The following CIMIP5 variants were observed in gnomAD, a reference collection of about 807,000 sequenced individuals.
The protein encoded by CIMIP5 is uncharacterized protein C2orf50.
chr2:11,144,722 C>G, the CIMIP5 span: 1 of 152,122 alleles, frequency 6.6e-6, no homozygotes, highest in African/African-American at 2.4e-5. Flanking sequence ...CTCCTTACTC[C>G]GTCTTTGAAG....
chr2:11,133,171 C>T, the CIMIP5 span: 1 of 820,234 alleles, frequency 1.2e-6, no homozygotes, highest in East Asian at 3.3e-5. Context: ...CCATCGGCCA[C>T]TCTGAGCTCG....
the CIMIP5 span, among the ~76,000 whole-genome samples, chr2:11,134,229 A>G: frequency 6.6e-6 from 1 of 152,338 alleles, no homozygotes; most frequent in East Asian, 1.9e-4. Flanking sequence ...GATGTATCTA[A>G]AAAACAAAAC....
chr2:11,150,659 G>T, the CIMIP5 span, among the ~76,000 whole-genome samples: 2 of 151,528 alleles, frequency 1.3e-5, no homozygotes, highest in Non-Finnish European at 2.9e-5. Flanking sequence ...TTTAATGAAG[G>T]TGGGGGAATG....
At chr2:11,139,092 A>G in the CIMIP5 span, among the ~76,000 whole-genome samples, 1 of 151,652 alleles carries the variant, frequency 6.6e-6, no homozygotes. Flanking sequence ...TAATTTTTGT[A>G]TTTTTGGTGG....
chr2:11,144,211 T>C, the CIMIP5 span: 1 of 1,069,114 alleles, frequency 9.4e-7, no homozygotes, highest in African/African-American at 1.6e-5. Context: ...CAAGGCAGCT[T>C]GGGTCTGCAC....
the CIMIP5 span, among the ~76,000 whole-genome samples, chr2:11,154,380 C>T: frequency 2.0e-5 from 3 of 151,962 alleles, no homozygotes; most frequent in Admixed American, 2.0e-4. Context: ...AGGTGATGGG[C>T]CGGTGAGGCT....
the CIMIP5 span, among the ~76,000 whole-genome samples, chr2:11,142,266 C>CAAA: frequency 1.7e-3 from 144 of 84,488 alleles, no homozygotes; most frequent in Non-Finnish European, 1.9e-3. Context: ...AATTCAGTCT[C>CAAA]AAAAAAAAAA....
the CIMIP5 span, among the ~76,000 whole-genome samples, chr2:11,151,465 C>T: frequency 6.6e-6 from 1 of 152,190 alleles, no homozygotes; most frequent in African/African-American, 2.4e-5. Flanking sequence ...AAGGTGTAAC[C>T]ACCTAAAGGG....
the CIMIP5 span, among the ~76,000 whole-genome samples, chr2:11,134,199 G>C: frequency 6.6e-6 from 1 of 150,410 alleles, no homozygotes; most frequent in African/African-American, 2.4e-5. Context: ...ACATGAAATA[G>C]GAGAAGGAGC....
At chr2:11,153,039 C>T in the CIMIP5 span, among the ~76,000 whole-genome samples, 9 of 152,204 alleles carry the variant, frequency 5.9e-5, no homozygotes, top group African/African-American at 1.4e-4. Flanking sequence ...TTAAAAATGA[C>T]GCTGAGGAAC....
the CIMIP5 span, among the ~76,000 whole-genome samples, chr2:11,153,800 T>A: frequency 6.6e-6 from 1 of 151,774 alleles, no homozygotes; most frequent in Non-Finnish European, 1.5e-5. Context: ...GGCACATGCC[T>A]GTAATTCCAG....
At chr2:11,149,326 A>G in the CIMIP5 span, among the ~76,000 whole-genome samples, 2 of 150,510 alleles carry the variant, frequency 1.3e-5, no homozygotes, top group Admixed American at 6.6e-5. Context: ...AAAAAAAAAA[A>G]GTAACTAGAA....
the CIMIP5 span, chr2:11,140,460 A>G: frequency 4.2e-6 from 6 of 1,435,306 alleles, no homozygotes; most frequent in Non-Finnish European, 5.7e-6. Flanking sequence ...AGTCATTGGT[A>G]AAAATGTCCT....
the CIMIP5 span, among the ~76,000 whole-genome samples, chr2:11,142,978 A>G: frequency 1.3e-5 from 2 of 152,192 alleles, no homozygotes; most frequent in African/African-American, 4.8e-5. Context: ...TGCCAGGATT[A>G]AAGGCAAGAG....
chr2:11,133,405 C>T, the CIMIP5 span: 3 of 1,612,250 alleles, frequency 1.9e-6, no homozygotes, highest in South Asian at 1.1e-5. Context: ...CCCACCAGGC[C>T]ACCAGCCTCG....
chr2:11,153,562 A>T, the CIMIP5 span, among the ~76,000 whole-genome samples: 1 of 152,246 alleles, frequency 6.6e-6, no homozygotes, highest in Non-Finnish European at 1.5e-5. Context: ...GGGACCTATC[A>T]CATGGCATGA....
chr2:11,143,642 A>G, the CIMIP5 span, among the ~76,000 whole-genome samples: 1 of 152,018 alleles, frequency 6.6e-6, no homozygotes, highest in Non-Finnish European at 1.5e-5. Flanking sequence ...AGAAAGGGGA[A>G]TAAGACCTGA....
At chr2:11,151,547 C>G in the CIMIP5 span, among the ~76,000 whole-genome samples, 5 of 152,256 alleles carry the variant, frequency 3.3e-5, no homozygotes, top group South Asian at 2.1e-4. Flanking sequence ...ACAGAGCCAG[C>G]TGTGCGGGAG....
At chr2:11,148,731 TC>T in the CIMIP5 span, among the ~76,000 whole-genome samples, 76,140 of 124,538 alleles carry the variant, frequency 0.61, 24,646 homozygotes, top group East Asian at 0.94. Flanking sequence ...TAATGAAAAC[TC>T]TTTTTTTTTT....
Sources: gnomAD v4.1 joint callset for allele counts (sites outside exome capture counted in the v4.1 genomes callset) on GRCh38, gnomAD v4.1.1 for gene constraint, MANE v1.5 for transcripts, NCBI Gene and HGNC (gene_info 2026-07-23, HGNC 2026-07-21) for gene names.